The following CUX1 variants were observed in gnomAD, a reference collection of about 807,000 sequenced individuals.
CUX1 encodes protein CASP.
CUX1 carries 31 observed loss-of-function variants against 158.8 expected under a neutral mutation model. That is an observed-to-expected ratio of 0.20 (90% CI 0.15 to 0.26). CUX1 has a LOEUF of 0.26. Among genes scored for constraint, CUX1 ranks in the 10% least tolerant of loss-of-function variants. CUX1 has a pLI of 1.00. For synonymous variants in CUX1, 879 were observed against 862.1 expected, an observed-to-expected ratio of 1.02 and a Z score of -0.34; for missense variants, 1,589 against 2,014.6, an observed-to-expected ratio of 0.79 and a Z score of 4.04.
intron 1 of CUX1, among the ~76,000 whole-genome samples, chr7:101,866,825 A>T (rs1797968207): frequency 6.6e-6 from 1 of 152,226 alleles, no homozygotes; most frequent in Admixed American, 6.5e-5. Flanking sequence ...TTTGCCCTCT[A>T]AGCATTTTAT....
chr7:102,195,402 G>GT (rs1794688866), intron 13 of CUX1, 105 bp from the exon 14 acceptor site: 1 of 840,724 alleles, frequency 1.2e-6, no homozygotes, highest in South Asian at 1.8e-5. Flanking sequence ...CGAGAGCTGG[G>GT]TGGGAACGCG....
At chr7:102,245,313 G>T (rs1419602712) in intron 23 of CUX1, among the ~76,000 whole-genome samples, 1 of 152,108 alleles carries the variant, frequency 6.6e-6, no homozygotes, top group African/African-American at 2.4e-5. Flanking sequence ...CAAAGCCCTG[G>T]GATTATAGGC....
intron 1 of CUX1, among the ~76,000 whole-genome samples, chr7:101,825,107 A>G (rs1268531180): frequency 1.3e-5 from 2 of 152,156 alleles, no homozygotes; most frequent in Non-Finnish European, 2.9e-5. Context: ...GAGAATACCA[A>G]CCTTTCAAAA....
chr7:102,182,436 C>G (rs1793197548), intron 11 of CUX1, among the ~76,000 whole-genome samples: 2 of 152,214 alleles, frequency 1.3e-5, no homozygotes, highest in Non-Finnish European at 2.9e-5. Context: ...GATTTCTCCT[C>G]TTCCCTCAAA....
chr7:102,211,957 G>A (rs1796585378), intron 20 of CUX1, among the ~76,000 whole-genome samples: 1 of 152,104 alleles, frequency 6.6e-6, no homozygotes, highest in African/African-American at 2.4e-5. Context: ...GCCACAGGAG[G>A]AAGGGCACAT....
At chr7:102,147,588 A>C (rs1554502450) in intron 8 of CUX1, among the ~76,000 whole-genome samples, 1 of 152,212 alleles carries the variant, frequency 6.6e-6, no homozygotes, top group East Asian at 1.9e-4. Flanking sequence ...TTTCCTTAAA[A>C]GTTGTATTTA....
At chr7:102,089,309 T>G (rs1440587999) in intron 4 of CUX1, among the ~76,000 whole-genome samples, 1 of 152,254 alleles carries the variant, frequency 6.6e-6, no homozygotes, top group Admixed American at 6.5e-5. Context: ...TCTGTTTTTA[T>G]GAAGTGATTT....
chr7:102,264,360 T>C (rs536580720), intron 14 of CUX1, among the ~76,000 whole-genome samples: 102 of 152,204 alleles, frequency 6.7e-4, no homozygotes, highest in African/African-American at 2.4e-3. Context: ...GCCCTGCAGA[T>C]GTGAGAAGGA....
At chr7:102,116,086 G>A (rs1831406912) in intron 8 of CUX1, among the ~76,000 whole-genome samples, 1 of 152,118 alleles carries the variant, frequency 6.6e-6, no homozygotes, top group South Asian at 2.1e-4. Context: ...TGCTCACACA[G>A]TGCCTCCGTG....
At chr7:102,018,525 C>T (rs1327030031) in intron 2 of CUX1, among the ~76,000 whole-genome samples, 1 of 152,124 alleles carries the variant, frequency 6.6e-6, no homozygotes, top group African/African-American at 2.4e-5. Flanking sequence ...CTTGCATGCC[C>T]CTCTCACTGG....
At chr7:102,049,020 G>T (rs142093864) in intron 3 of CUX1, among the ~76,000 whole-genome samples, 2,229 of 152,144 alleles carry the variant, frequency 0.015, 38 homozygotes, top group African/African-American at 0.049. Context: ...AGCGGTCACC[G>T]AGATCCTTCC....
Position 102,111,745 on chromosome 7 carries a change from C to T in CUX1, c.578C>T (p.Ala193Val). ...QMSTTSKLEE[A>V]EHKVQSLQTA... The stretch of plus-strand genomic sequence containing the variant: ...TCCACCACCTCAAAGCTGGAGGAAG[C>T]TGAGCATAAGGTTCAGAGCCTACAA... The change falls in exon 7 of 24, where the codon GCT becomes GTT. Residue 193 changes from alanine (A) to valine (V), a missense_variant. By Grantham distance (64) the Ala-to-Val change is moderately conservative (BLOSUM62 0). Transcript: ENST00000292535. 1 of 1,614,156 alleles carries T rather than the reference C, an allele frequency of 6.2e-7. No individual in the cohort carries two copies. The highest frequency in any genetic ancestry group is 1.7e-5 in the Admixed American group (1 of 60,024).
At chr7:102,036,596 G>T (rs567911222) in intron 3 of CUX1, among the ~76,000 whole-genome samples, 2 of 152,140 alleles carry the variant, frequency 1.3e-5, no homozygotes, top group Admixed American at 6.5e-5. Context: ...ACAAAAATCA[G>T]CCTGGTGTGG....
intron 2 of CUX1, among the ~76,000 whole-genome samples, chr7:102,008,681 G>T (rs1257840222): frequency 6.9e-6 from 1 of 145,816 alleles, no homozygotes; most frequent in Non-Finnish European, 1.5e-5. Flanking sequence ...CATGCCTGGG[G>T]ACAAGGCACC....
chr7:102,144,670 C>CA (rs372623244), intron 8 of CUX1, among the ~76,000 whole-genome samples: 53,277 of 131,648 alleles, frequency 0.4, 10,886 homozygotes, highest in East Asian at 0.68. Context: ...GACCCTGTCT[C>CA]AAAAAAAAAA....
chr7:102,209,868 G>A (rs1189515183), intron 20 of CUX1, among the ~76,000 whole-genome samples: 1 of 152,054 alleles, frequency 6.6e-6, no homozygotes, highest in Non-Finnish European at 1.5e-5. Context: ...GCAATTTATT[G>A]TATCTTATTC....
In CUX1 at chr7:102,158,495, C is replaced by T. The variant is rs1554505973; in HGVS notation, c.675-65C>T. The T allele has an allele frequency of 5.4e-5, 83 of 1,541,780 alleles. 3 individuals carry two copies. In the South Asian group the frequency reaches 8.6e-4, roughly 16 times the overall value. On this transcript the variant is annotated intron_variant, in intron 8 of 23. Transcript: ENST00000292535. ...CCGAGCCCTGAGCTAGGAAGCTGTCCCATCAGTCACCCCCTGAGCCGGTCT... is the reference window on the plus strand; with the variant it reads ...CCGAGCCCTGAGCTAGGAAGCTGTCTCATCAGTCACCCCCTGAGCCGGTCT...
chr7:101,957,834 G>T (rs554628559), intron 2 of CUX1, among the ~76,000 whole-genome samples: 10 of 152,038 alleles, frequency 6.6e-5, no homozygotes, highest in Admixed American at 2.0e-4. Context: ...AAGACTCTTC[G>T]TACTTATTAA....
rs1563487040 is a variant in CUX1 at position 102,248,725 on chromosome 7, C to A, written c.4201C>A (p.Pro1401Thr). The A allele has an allele frequency of 8.7e-7, 1 of 1,152,536 alleles. No individual in the cohort carries two copies. Among genetic ancestry groups the A allele is most frequent in the Non-Finnish European group, 1.1e-6 (1 of 934,788 alleles). The allele number at this position is 1,152,536 out of a possible 1,614,324, so 71.4% of individuals were successfully genotyped here. A position where few individuals can be genotyped will look rare whatever the true frequency, so the allele number is the denominator to read the frequency against. Reference sequence around the variant, plus strand: ...GGGAGGCCCCGTGGAAGGCCCGGGGCCCCTGCCCAGCCCCGCCTCCGCGAC... The same window carrying A: ...GGGAGGCCCCGTGGAAGGCCCGGGGACCCTGCCCAGCCCCGCCTCCGCGAC... ...HEGGPVEGPGPLPSPASATAT... is the reference protein window; with the variant it reads ...HEGGPVEGPGTLPSPASATAT... The change falls in exon 24 of 24, where the codon CCC (proline) becomes ACC (threonine). Residue 1401 changes from proline to threonine, a missense_variant. Physicochemically the swap from Pro to Thr is conservative, Grantham distance 38 (BLOSUM62 -1). Coordinates refer to ENST00000292535, the MANE Select transcript of CUX1 (RefSeq NM_181552.4). This position sits in a 1 kb window ranked among gnomAD's most constrained non-coding sequence, Gnocchi z 5.8.
Sources: gnomAD v4.1 joint callset for allele counts (sites outside exome capture counted in the v4.1 genomes callset) on GRCh38, gnomAD v4.1.1 for gene constraint, Gnocchi (gnomAD v3.1) non-coding constraint, MANE v1.5 for transcripts, NCBI Gene and HGNC (gene_info 2026-07-23, HGNC 2026-07-21) for gene names.